TAS2R38: variants seen among roughly 807,000 people sequenced by gnomAD.
TAS2R38 encodes taste receptor type 2 member 38.
A neutral mutation model predicts 16.4 loss-of-function variants in TAS2R38; 11 were observed. That is an observed-to-expected ratio of 0.67 (90% CI 0.42 to 1.11). TAS2R38 has a LOEUF of 1.11. TAS2R38 is among the 50% of genes least tolerant of loss of function. The pLI is 0.00. For synonymous variants in TAS2R38, 149 were observed against 155.6 expected (o/e 0.96, Z 0.32); for missense variants, 364 against 395.8 (o/e 0.92, Z 0.68).
At position 141,973,166 on chromosome 7, in the gene TAS2R38, A is replaced by C; in HGVS notation, c.524T>G (p.Phe175Cys). The C allele has an allele frequency of 1.2e-6, 2 of 1,614,108 alleles. No homozygotes were observed. Among genetic ancestry groups the C allele is most frequent in the Non-Finnish European group, 1.7e-6 (2 of 1,180,016 alleles). Residue 175 changes from phenylalanine to cysteine, a missense_variant, in exon 1 of 1, where the codon TTC becomes TGC. By Grantham distance (205) the Phe-to-Cys change is radical. Coordinates refer to ENST00000547270, the MANE Select transcript of TAS2R38 (RefSeq NM_176817.5). ...GTTGAGCCTTGTATTGTTATTCATG[A>C]ATAGCACAGTTGTGACTGTGAAGTG... ...RPHFTVTTVL[F>C]MNNNTRLNWQ...
rs782149643 is a variant in TAS2R38 at position 141,973,246 on chromosome 7, A to G, written c.444T>C (p.Ile148=). The change falls in exon 1 of 1, where the codon ATT becomes ATC. Residue 148 remains isoleucine (I), a synonymous_variant. Transcript: ENST00000547270. ...GGACAGTGCAGATGCAGGAGCAAAG[A>G]ATAATACCCAGGAGCATCTGGGAGA... The part of the protein sequence containing the change: ...RKISQMLLGI[I]LCSCICTVLC... The G allele has an allele frequency of 3.7e-6, 6 of 1,614,052 alleles. No homozygotes were observed. In the East Asian group the frequency reaches 1.1e-4, roughly 30 times the overall value.
chr7:141,973,301 A>G lies in TAS2R38; in HGVS notation c.389T>C (p.Ile130Thr), dbSNP rs1803401032. 1 of 1,613,830 alleles carries G rather than the reference A, an allele frequency of 6.2e-7. No homozygotes were observed. Among genetic ancestry groups the G allele is most frequent in the Non-Finnish European group, 8.5e-7 (1 of 1,179,996 alleles). The change falls in exon 1 of 1, where the codon ATC (isoleucine) becomes ACC (threonine). Residue 130 changes from isoleucine to threonine, a missense_variant. Ile to Thr is a moderately conservative substitution (Grantham distance 89). Coordinates refer to ENST00000547270, the MANE Select transcript of TAS2R38 (RefSeq NM_176817.5). ...CCTGGAGACCCAGCTTGCCAAGCAGATCAGGAAGGTGTGAGAGAAACGGAT... is the reference window on the plus strand; with the variant it reads ...CCTGGAGACCCAGCTTGCCAAGCAGGTCAGGAAGGTGTGAGAGAAACGGAT... ...KLIRFSHTFL[I>T]CLASWVSRKI...
At position 141,973,499 on chromosome 7, in the gene TAS2R38, C is replaced by T. The variant is rs115966953; in HGVS notation, c.191G>A (p.Arg64Gln). 3.3e-4 allele frequency: 532 copies of T among 1,614,074 alleles called. 4 individuals carry two copies. In the African/African-American group the frequency reaches 6.1e-3, roughly 19 times the overall value. The change falls in exon 1 of 1, where the codon CGG becomes CAG. Residue 64 changes from arginine (R) to glutamine (Q), a missense_variant. By Grantham distance (43) the Arg-to-Gln change is conservative. Coordinates refer to ENST00000547270, the MANE Select transcript of TAS2R38 (RefSeq NM_176817.5). ...GAACAGCAGTCCATGCAGGAAAAGC[C>T]GGCTGATGCTGAGACACAGCAGCAC... Reference protein sequence around the residue: ...DCVLLCLSISRLFLHGLLFLS... With the variant: ...DCVLLCLSISQLFLHGLLFLS...
At position 141,973,063 on chromosome 7, in the gene TAS2R38, A is replaced by G. The variant is rs1803396192; in HGVS notation, c.627T>C (p.Phe209=). ...CAGTCAGCATCCCAGAAGAAACCAG[A>G]AACAATAGGAAAGGAGGCACAGACC... ...YLWSVPPFLL[F]LVSSGMLTVS... Residue 209 remains phenylalanine, a synonymous_variant, in exon 1 of 1, where the codon TTT becomes TTC. Transcript: ENST00000547270. 6.2e-7 allele frequency: 1 copy of G among 1,614,024 alleles called. No individual in the cohort carries two copies. Among genetic ancestry groups the G allele is most frequent in the Non-Finnish European group, 8.5e-7 (1 of 1,180,046 alleles).
In TAS2R38 at chr7:141,973,615, C is replaced by T. The variant is rs1554444449; in HGVS notation, c.75G>A (p.Glu25=). Residue 25 remains glutamate (E), a synonymous_variant, in exon 1 of 1, where the codon GAG becomes GAA. Transcript: ENST00000547270. ...RSTFLFISVL[E]FAVGFLTNAF... ...CATTGGTCAGAAACCCCACTGCAAA[C>T]TCCAGGACTGAAATGAACAGAAATG... The T allele has an allele frequency of 1.2e-6, 2 of 1,614,160 alleles. No individual in the cohort carries two copies. Among genetic ancestry groups the T allele is most frequent in the African/African-American group, 1.3e-5 (1 of 75,032 alleles).
In TAS2R38 at chr7:141,973,709, G is replaced by C. The variant is rs1554444471; in HGVS notation, c.-20C>G. 3 of 1,601,452 alleles carry C rather than the reference G, an allele frequency of 1.9e-6. No individual in the cohort carries two copies. The highest frequency in any genetic ancestry group is 2.6e-6 in the Non-Finnish European group (3 of 1,173,172). On this transcript the variant is annotated 5_prime_UTR_variant, in exon 1 of 1. Coordinates refer to ENST00000547270, the MANE Select transcript of TAS2R38 (RefSeq NM_176817.5). Reference sequence around the variant, plus strand: ...CAACATGATGTCACTTCTCTAATTGGCTATTCTACTTCTCTTCTCTAGTTG... The same window carrying C: ...CAACATGATGTCACTTCTCTAATTGCCTATTCTACTTCTCTTCTCTAGTTG...
At position 141,972,785 on chromosome 7, in the gene TAS2R38, G is replaced by T. The variant is rs1803388610; in HGVS notation, c.905C>A (p.Ala302Asp). Reference sequence around the variant, plus strand: ...GGTCATCACAGCTCTCCTCAACTTGGCATTGCCTGAGATCAGGATGGCTGC... The same window carrying T: ...GGTCATCACAGCTCTCCTCAACTTGTCATTGCCTGAGATCAGGATGGCTGC... ...GHAAILISGNAKLRRAVMTIL... is the reference protein window; with the variant it reads ...GHAAILISGNDKLRRAVMTIL... The change falls in exon 1 of 1, where the codon GCC (alanine) becomes GAC (aspartate). Residue 302 changes from alanine (A) to aspartate (D), a missense_variant. Physicochemically the swap from Ala to Asp is moderately radical, Grantham distance 126 (BLOSUM62 -2). Transcript: ENST00000547270. 3.7e-6 allele frequency: 6 copies of T among 1,613,920 alleles called. No individual in the cohort carries two copies. The highest frequency in any genetic ancestry group is 5.1e-6 in the Non-Finnish European group (6 of 1,179,982).
At position 141,973,076 on chromosome 7, in the gene TAS2R38, G is replaced by A; in HGVS notation, c.614C>T (p.Pro205Leu). Residue 205 changes from proline to leucine, a missense_variant, in exon 1 of 1, where the codon CCT becomes CTT. By Grantham distance (98) the Pro-to-Leu change is moderately conservative. Coordinates refer to ENST00000547270, the MANE Select transcript of TAS2R38 (RefSeq NM_176817.5). ...FLFCYLWSVP[P>L]FLLFLVSSGM... ...AGAAGAAACCAGAAACAATAGGAAAGGAGGCACAGACCACAGATAGCAGAA... is the reference window on the plus strand; with the variant it reads ...AGAAGAAACCAGAAACAATAGGAAAAGAGGCACAGACCACAGATAGCAGAA... 6.2e-7 allele frequency: 1 copy of A among 1,614,080 alleles called. No individual in the cohort carries two copies.
Position 141,973,650 on chromosome 7 carries a change from C to T in TAS2R38, c.40G>A (p.Val14Ile). 6.2e-7 allele frequency: 1 copy of T among 1,614,110 alleles called. No homozygotes were observed. The highest frequency in any genetic ancestry group is 8.5e-7 in the Non-Finnish European group (1 of 1,179,990). The change falls in exon 1 of 1, where the codon GTC becomes ATC. Residue 14 changes from valine to isoleucine, a missense_variant. Coordinates refer to ENST00000547270, the MANE Select transcript of TAS2R38 (RefSeq NM_176817.5). ...GAAATGAACAGAAATGTACTCCTGA[C>T]TTCATAGGACACAGTGCGGATGCGA... ...LTRIRTVSYE[V>I]RSTFLFISVL...
In TAS2R38 at chr7:141,973,301, A is replaced by C; in HGVS notation, c.389T>G (p.Ile130Ser). 6.2e-7 allele frequency: 1 copy of C among 1,613,948 alleles called. No homozygotes were observed. The highest frequency in any genetic ancestry group is 8.5e-7 in the Non-Finnish European group (1 of 1,179,988). The change falls in exon 1 of 1, where the codon ATC becomes AGC. Residue 130 changes from isoleucine (I) to serine (S), a missense_variant. By Grantham distance (142) the Ile-to-Ser change is moderately radical (BLOSUM62 -2). Coordinates refer to ENST00000547270, the MANE Select transcript of TAS2R38 (RefSeq NM_176817.5). ...CCTGGAGACCCAGCTTGCCAAGCAG[A>C]TCAGGAAGGTGTGAGAGAAACGGAT... The part of the protein sequence containing the change: ...KLIRFSHTFL[I>S]CLASWVSRKI...
Position 141,973,227 on chromosome 7 carries a change from T to G in TAS2R38, c.463A>C (p.Thr155Pro), listed in dbSNP as rs1803399151. 1.2e-6 allele frequency: 2 copies of G among 1,614,098 alleles called. No individual in the cohort carries two copies. The highest frequency in any genetic ancestry group is 2.2e-5 in the East Asian group (1 of 44,878). The change falls in exon 1 of 1, where the codon ACT becomes CCT. Residue 155 changes from threonine to proline, a missense_variant. Thr to Pro is a conservative substitution (Grantham distance 38, BLOSUM62 -1). Transcript: ENST00000547270. ...AAAAAGCACCAAACACAGAGGACAG[T>G]GCAGATGCAGGAGCAAAGAATAATA... ...LGIILCSCIC[T>P]VLCVWCFFSR...
rs1187356883 is a variant in TAS2R38 at position 141,973,773 on chromosome 7, G to C, written c.-84C>G. Reference sequence around the variant, plus strand: ...CCTGGTTGCCACCCAGTGCAGAAAGGTAAATGTACGTTCCAAGCCAGGACC... The same window carrying C: ...CCTGGTTGCCACCCAGTGCAGAAAGCTAAATGTACGTTCCAAGCCAGGACC... On this transcript the variant is annotated 5_prime_UTR_variant, in exon 1 of 1. Coordinates refer to ENST00000547270, the MANE Select transcript of TAS2R38 (RefSeq NM_176817.5). The C allele has an allele frequency of 2.1e-6, 3 of 1,446,524 alleles. No individual in the cohort carries two copies. Among genetic ancestry groups the C allele is most frequent in the Non-Finnish European group, 2.8e-6 (3 of 1,056,264 alleles). 89.6% of individuals were successfully genotyped at this position (1,446,524 alleles called of 1,614,324 possible).
In TAS2R38 at chr7:141,973,042, C is replaced by A. The variant is rs782110004; in HGVS notation, c.648G>T (p.Leu216=). Residue 216 remains leucine, a synonymous_variant, in exon 1 of 1, where the codon CTG becomes CTT. Coordinates refer to ENST00000547270, the MANE Select transcript of TAS2R38 (RefSeq NM_176817.5). The part of the protein sequence containing the change: ...FLLFLVSSGM[L]TVSLGRHMRT... ...TCATGTGCCTTCCCAGGGAGACAGT[C>A]AGCATCCCAGAAGAAACCAGAAACA... 1 of 1,614,052 alleles carries A rather than the reference C, an allele frequency of 6.2e-7. No homozygotes were observed. Among genetic ancestry groups the A allele is most frequent in the Non-Finnish European group, 8.5e-7 (1 of 1,180,008 alleles).
At position 141,973,250 on chromosome 7, in the gene TAS2R38, A is replaced by T; in HGVS notation, c.440T>A (p.Ile147Asn). The T allele has an allele frequency of 6.2e-7, 1 of 1,614,086 alleles. No homozygotes were observed. Among genetic ancestry groups the T allele is most frequent in the Non-Finnish European group, 8.5e-7 (1 of 1,179,990 alleles). ...SRKISQMLLG[I>N]ILCSCICTVL... is the part of the protein sequence containing the mutation. The stretch of plus-strand genomic sequence containing the variant: ...AGTGCAGATGCAGGAGCAAAGAATA[A>T]TACCCAGGAGCATCTGGGAGATCTT... Residue 147 changes from isoleucine (I) to asparagine (N), a missense_variant, in exon 1 of 1, where the codon ATT (isoleucine) becomes AAT (asparagine). By Grantham distance (149) the Ile-to-Asn change is moderately radical (BLOSUM62 -3). Transcript: ENST00000547270.
chr7:141,972,878 A>C lies in TAS2R38; in HGVS notation c.812T>G (p.Ile271Ser). ...CACCCCTATTTTGTCGCGCCACAGAATCAGTAGGGGCACAGAGATGAAGGC... is the reference window on the plus strand; with the variant it reads ...CACCCCTATTTTGTCGCGCCACAGACTCAGTAGGGGCACAGAGATGAAGGC... Reference protein sequence around the residue: ...CAAFISVPLLILWRDKIGVMV... With the variant: ...CAAFISVPLLSLWRDKIGVMV... The change falls in exon 1 of 1, where the codon ATT (isoleucine) becomes AGT (serine). Residue 271 changes from isoleucine (I) to serine (S), a missense_variant. By Grantham distance (142) the Ile-to-Ser change is moderately radical (BLOSUM62 -2). Coordinates refer to ENST00000547270, the MANE Select transcript of TAS2R38 (RefSeq NM_176817.5). The C allele has an allele frequency of 6.2e-7, 1 of 1,614,140 alleles. No individual in the cohort carries two copies.
chr7:141,972,805 G>A lies in TAS2R38; in HGVS notation c.885C>T (p.Ala295=). 2 of 1,613,922 alleles carry A rather than the reference G, an allele frequency of 1.2e-6. No individual in the cohort carries two copies. Among genetic ancestry groups the A allele is most frequent in the Non-Finnish European group, 1.7e-6 (2 of 1,179,902 alleles). The change falls in exon 1 of 1, where the codon GCC becomes GCT. Residue 295 remains alanine (A), a synonymous_variant. Coordinates refer to ENST00000547270, the MANE Select transcript of TAS2R38 (RefSeq NM_176817.5). ...IMAACPSGHA[A]ILISGNAKLR... ...ACTTGGCATTGCCTGAGATCAGGAT[G>A]GCTGCATGCCCAGAGGGACAAGCTG...
At position 141,973,225 on chromosome 7, in the gene TAS2R38, A is replaced by G; in HGVS notation, c.465T>C (p.Thr155=). The G allele has an allele frequency of 1.2e-6, 2 of 1,614,174 alleles. No individual in the cohort carries two copies. The highest frequency in any genetic ancestry group is 1.1e-5 in the South Asian group (1 of 91,086). Residue 155 remains threonine, a synonymous_variant, in exon 1 of 1, where the codon ACT becomes ACC. Transcript: ENST00000547270. The stretch of plus-strand genomic sequence containing the variant: ...TAAAAAAGCACCAAACACAGAGGAC[A>G]GTGCAGATGCAGGAGCAAAGAATAA... ...LGIILCSCIC[T]VLCVWCFFSR...
At position 141,973,351 on chromosome 7, in the gene TAS2R38, G is replaced by A. The variant is rs782704476; in HGVS notation, c.339C>T (p.Leu113=). Reference sequence around the variant, plus strand: ...TGAGCTTGGAGCAGTAAAGCAGGCTGAGGCAGGCAGCAAGCCAGAGGTTGG... The same window carrying A: ...TGAGCTTGGAGCAGTAAAGCAGGCTAAGGCAGGCAGCAAGCCAGAGGTTGG... ...NQANLWLAAC[L]SLLYCSKLIR... is the part of the protein sequence containing the mutation. Residue 113 remains leucine (L), a synonymous_variant, in exon 1 of 1, where the codon CTC becomes CTT. Transcript: ENST00000547270. The A allele has an allele frequency of 1.2e-6, 2 of 1,614,102 alleles. No individual in the cohort carries two copies. The highest frequency in any genetic ancestry group is 4.5e-5 in the East Asian group (2 of 44,846).
rs1554444385 is a variant in TAS2R38 at position 141,973,195 on chromosome 7, T to C, written c.495A>G (p.Arg165=). The C allele has an allele frequency of 8.1e-6, 13 of 1,613,902 alleles. No individual in the cohort carries two copies. The South Asian group carries it at 1.3e-4, about 16-fold the overall frequency. ...TVLCVWCFFS[R]PHFTVTTVLF... ...GCACAGTTGTGACTGTGAAGTGAGG[T>C]CTGCTAAAAAAGCACCAAACACAGA... The change falls in exon 1 of 1, where the codon AGA becomes AGG. Residue 165 remains arginine, a synonymous_variant. Coordinates refer to ENST00000547270, the MANE Select transcript of TAS2R38 (RefSeq NM_176817.5).
Sources: allele counts gnomAD v4.1 joint callset, GRCh38; gene constraint gnomAD v4.1.1; transcripts MANE v1.5; gene names NCBI Gene and HGNC (gene_info 2026-07-23, HGNC 2026-07-21).